SYNDIG1: variants seen among roughly 807,000 people sequenced by gnomAD.
SYNDIG1 encodes the protein synapse differentiation-inducing gene protein 1.
SYNDIG1 carries 9 observed loss-of-function variants against 19.4 expected under a neutral mutation model. The observed-to-expected ratio is 0.46, with a 90% CI of 0.28 to 0.81. The LOEUF (loss-of-function observed/expected upper bound fraction) is 0.81. Ranked by LOEUF, SYNDIG1 falls within the 30% of genes least tolerant of loss-of-function variation. The probability of loss-of-function intolerance (pLI) is 0.12; values close to 1 mark genes in which losing one functional copy is unlikely to be tolerated. For missense variants in SYNDIG1, 311 were observed against 343.3 expected (o/e 0.91, Z 0.74); for synonymous variants, 141 against 145.9 (o/e 0.97, Z 0.24).
chr20:24,498,876 C>T (rs756560892), intron 1 of SYNDIG1, among the ~76,000 whole-genome samples: 19 of 152,148 alleles, frequency 1.2e-4, no homozygotes, highest in African/African-American at 3.9e-4. Context: ...GCAGGGAACA[C>T]GGGTGTGCGG....
At chr20:24,528,373 G>A (rs966403447) in intron 1 of SYNDIG1, among the ~76,000 whole-genome samples, 5 of 152,144 alleles carry the variant, frequency 3.3e-5, no homozygotes, top group African/African-American at 1.2e-4. Context: ...TGTGTTTAGT[G>A]CTTGTCTTAG....
chr20:24,500,023 A>G (rs935554072), intron 1 of SYNDIG1, among the ~76,000 whole-genome samples: 30 of 152,146 alleles, frequency 2.0e-4, no homozygotes, highest in African/African-American at 7.2e-4. Context: ...GAAATGGCCC[A>G]AAGGTGGGCA....
intron 2 of SYNDIG1, among the ~76,000 whole-genome samples, chr20:24,545,412 G>T (rs1321785206): frequency 6.6e-6 from 1 of 152,158 alleles, no homozygotes; most frequent in African/African-American, 2.4e-5. Context: ...AGATCTGAGG[G>T]CTTTGCTGAC....
chr20:24,665,624 G>A lies in SYNDIG1; in HGVS notation c.*120G>A. On this transcript the variant is annotated 3_prime_UTR_variant, in exon 4 of 4. Transcript: ENST00000376862. ...TGCCAAATGATGCCACGAAGCCCTG[G>A]GATTTCCTACCCATGGATTTATTTT... 2.9e-6 allele frequency: 4 copies of A among 1,403,482 alleles called. No homozygotes were observed. The South Asian group carries it at 5.3e-5, about 19-fold the overall frequency. 86.9% of individuals were successfully genotyped at this position (1,403,482 alleles called of 1,614,324 possible). A position where few individuals can be genotyped will look rare whatever the true frequency, so the allele number is the denominator to read the frequency against.
intron 3 of SYNDIG1, among the ~76,000 whole-genome samples, chr20:24,649,500 A>G (rs1370296231): frequency 6.6e-6 from 1 of 152,184 alleles, no homozygotes; most frequent in East Asian, 1.9e-4. Flanking sequence ...CCATACCTAT[A>G]GTTAGCCTGA....
chr20:24,661,007 C>T (rs1009555091), intron 3 of SYNDIG1, among the ~76,000 whole-genome samples: 2 of 152,240 alleles, frequency 1.3e-5, no homozygotes, highest in Non-Finnish European at 2.9e-5. Context: ...CAGCTGCACC[C>T]CCACAGCCTG....
intron 1 of SYNDIG1, among the ~76,000 whole-genome samples, chr20:24,487,816 CTG>C (rs1319437566): frequency 2.0e-5 from 3 of 152,148 alleles, no homozygotes; most frequent in African/African-American, 7.2e-5. Flanking sequence ...AGAGGAGGTC[CTG>C]GGATCTGGAT....
At chr20:24,586,959 C>T (rs1011190129) in intron 3 of SYNDIG1, among the ~76,000 whole-genome samples, 4 of 152,222 alleles carry the variant, frequency 2.6e-5, no homozygotes, top group Admixed American at 6.5e-5. Flanking sequence ...AGCAAGGCTA[C>T]AACTGCAGAG....
chr20:24,526,447 G>A (rs780244308), intron 1 of SYNDIG1, among the ~76,000 whole-genome samples: 2 of 152,044 alleles, frequency 1.3e-5, no homozygotes, highest in Non-Finnish European at 2.9e-5. Flanking sequence ...GTATAAAGCT[G>A]AACATGTTCA....
intron 2 of SYNDIG1, among the ~76,000 whole-genome samples, chr20:24,559,694 C>T (rs1375627722): frequency 6.6e-6 from 1 of 152,098 alleles, no homozygotes; most frequent in Non-Finnish European, 1.5e-5. Context: ...CTTTATTTAC[C>T]TGGGAATGTC....
At chr20:24,583,028 T>A (rs2058355861) in intron 2 of SYNDIG1, among the ~76,000 whole-genome samples, 1 of 152,174 alleles carries the variant, frequency 6.6e-6, no homozygotes. Context: ...ACGTCCTTAT[T>A]GTTGGACTGA....
At chr20:24,635,707 C>G (rs2059308304) in intron 3 of SYNDIG1, among the ~76,000 whole-genome samples, 1 of 152,166 alleles carries the variant, frequency 6.6e-6, no homozygotes, top group Non-Finnish European at 1.5e-5. Context: ...TCACACATGC[C>G]TCTTGTTTTT....
chr20:24,605,939 A>T (rs2058751366), intron 3 of SYNDIG1, among the ~76,000 whole-genome samples: 3 of 152,328 alleles, frequency 2.0e-5, no homozygotes, highest in African/African-American at 7.2e-5. Context: ...TCTTTAAATG[A>T]TGTACCTGAA....
At chr20:24,551,400 A>C (rs755172433) in intron 2 of SYNDIG1, among the ~76,000 whole-genome samples, 2 of 152,170 alleles carry the variant, frequency 1.3e-5, no homozygotes, top group Non-Finnish European at 2.9e-5. Context: ...TCTAGATAGA[A>C]ATTGATCATT....
chr20:24,470,536 C>T (rs1357445810), intron 1 of SYNDIG1, among the ~76,000 whole-genome samples: 1 of 152,140 alleles, frequency 6.6e-6, no homozygotes, highest in Non-Finnish European at 1.5e-5. Flanking sequence ...TTGAATCTCG[C>T]TTTTTCCTAG....
intron 2 of SYNDIG1, among the ~76,000 whole-genome samples, chr20:24,564,838 A>G (rs1400095051): frequency 6.6e-6 from 1 of 152,232 alleles, no homozygotes; most frequent in Non-Finnish European, 1.5e-5. Flanking sequence ...GAAAGAGGAA[A>G]GCTGCTGCTG....
intron 3 of SYNDIG1, among the ~76,000 whole-genome samples, chr20:24,627,123 T>TG (rs2059158015): frequency 1.2e-5 from 1 of 82,534 alleles, no homozygotes; most frequent in Non-Finnish European, 2.9e-5. Context: ...AGGGGGACCG[T>TG]GGGGAGAGGG....
intron 2 of SYNDIG1, among the ~76,000 whole-genome samples, chr20:24,584,384 G>A (rs552520580): frequency 2.6e-5 from 4 of 152,342 alleles, no homozygotes; most frequent in East Asian, 3.9e-4. Context: ...AAAGAAAAAC[G>A]CGCCTGGACT....
chr20:24,568,235 G>A (rs2058086858), intron 2 of SYNDIG1, among the ~76,000 whole-genome samples: 1 of 152,218 alleles, frequency 6.6e-6, no homozygotes, highest in African/African-American at 2.4e-5. Context: ...GCTGCTGGAG[G>A]CATGTGCTTT....
Sources: gnomAD v4.1 joint callset for allele counts (sites outside exome capture counted in the v4.1 genomes callset) on GRCh38, gnomAD v4.1.1 for gene constraint, MANE v1.5 for transcripts, NCBI Gene and HGNC (gene_info 2026-07-23, HGNC 2026-07-21) for gene names.